The following KIDINS220 variants were observed in gnomAD, a reference collection of about 807,000 sequenced individuals.
KIDINS220 encodes kinase D interacting substrate 220.
A neutral mutation model predicts 157.6 loss-of-function variants in KIDINS220; 63 were observed. That is an observed-to-expected ratio of 0.40 (90% CI 0.33 to 0.49). The LOEUF (loss-of-function observed/expected upper bound fraction) is 0.49, where lower values mean the gene tolerates loss of function less well. KIDINS220 is among the 20% of genes least tolerant of loss of function. KIDINS220 has a pLI of 0.66. For missense variants in KIDINS220, 1,772 were observed against 2,171.2 expected (o/e 0.82, Z 3.65); for synonymous variants, 732 against 783.6 (o/e 0.93, Z 1.10).
chr2:8,802,590 A>G (rs1199223335), intron 8 of KIDINS220, among the ~76,000 whole-genome samples: 1 of 152,246 alleles, frequency 6.6e-6, no homozygotes, highest in Non-Finnish European at 1.5e-5. Context: ...TAAGAGGCCA[A>G]TTAGACATTC....
chr2:8,829,430 C>T (rs974621453), intron 1 of KIDINS220, among the ~76,000 whole-genome samples: 2 of 152,034 alleles, frequency 1.3e-5, no homozygotes, highest in African/African-American at 4.8e-5. Context: ...CCCATAGTTG[C>T]ACTTCTAGGA....
intron 22 of KIDINS220, among the ~76,000 whole-genome samples, chr2:8,762,725 C>T (rs1327427379): frequency 1.3e-5 from 2 of 151,646 alleles, no homozygotes; most frequent in African/African-American, 4.8e-5. Context: ...GGCGACAGAG[C>T]GAGACCCCAT....
intron 22 of KIDINS220, among the ~76,000 whole-genome samples, chr2:8,752,039 G>T (rs1174652007): frequency 6.6e-6 from 1 of 151,530 alleles, no homozygotes; most frequent in East Asian, 1.9e-4. Flanking sequence ...GGTTTTTTTT[G>T]AGACAGAATC....
At chr2:8,779,394 T>A (rs1476242473) in intron 18 of KIDINS220, among the ~76,000 whole-genome samples, 1 of 152,302 alleles carries the variant, frequency 6.6e-6, no homozygotes, top group South Asian at 2.1e-4. Context: ...GCTAAAGAGG[T>A]AAATCAATGC....
intron 22 of KIDINS220, among the ~76,000 whole-genome samples, chr2:8,762,581 C>G (rs1668898341): frequency 6.6e-6 from 1 of 151,246 alleles, no homozygotes; most frequent in African/African-American, 2.4e-5. Context: ...ATTAAAAATA[C>G]AAAAAAAATT....
rs146468527 is a variant in KIDINS220 at position 8,738,574 on chromosome 2, T to C, written c.3586-1575A>G. Among the ~76,000 whole-genome samples the C allele has an allele frequency of 1.4e-4, 21 of 152,318 alleles. No homozygotes were observed. In the East Asian group the frequency reaches 4.0e-3, roughly 29 times the overall value. Reference sequence around the variant, plus strand: ...CATCACTCCTGCAGTTTTCTAGCAATATACAGTCCCCTTGTAATCACGAGG... The same window carrying C: ...CATCACTCCTGCAGTTTTCTAGCAACATACAGTCCCCTTGTAATCACGAGG... On this transcript the variant is annotated intron_variant, in intron 26 of 29. Coordinates refer to ENST00000256707, the MANE Select transcript of KIDINS220 (RefSeq NM_020738.4).
chr2:8,783,902 A>T (rs1225720735), intron 17 of KIDINS220, among the ~76,000 whole-genome samples: 1 of 152,212 alleles, frequency 6.6e-6, no homozygotes, highest in Non-Finnish European at 1.5e-5. Flanking sequence ...TGAAAATCCC[A>T]GCAAGTTATT....
intron 21 of KIDINS220, among the ~76,000 whole-genome samples, chr2:8,771,538 A>C (rs1670234299): frequency 1.3e-5 from 2 of 152,160 alleles, no homozygotes; most frequent in Non-Finnish European, 2.9e-5. Context: ...TTTGGTAGAA[A>C]TTCTGAGCTG....
intron 5 of KIDINS220, among the ~76,000 whole-genome samples, 188 bp downstream of exon 5, chr2:8,813,046 GACA>G (rs1347090798): frequency 1.2e-4 from 18 of 152,088 alleles, no homozygotes; most frequent in Admixed American, 9.2e-4. Context: ...CCTTTTTGCT[GACA>G]ACAATTGAGA....
chr2:8,819,442 T>C (rs942575148), intron 2 of KIDINS220, among the ~76,000 whole-genome samples: 1 of 152,074 alleles, frequency 6.6e-6, no homozygotes, highest in Non-Finnish European at 1.5e-5. Flanking sequence ...CCTAGACAAG[T>C]CACCCCTAAC....
chr2:8,769,639 C>T (rs578136863), intron 22 of KIDINS220, among the ~76,000 whole-genome samples: 7 of 152,196 alleles, frequency 4.6e-5, no homozygotes, highest in African/African-American at 7.2e-5. Context: ...AAGTTTTAAC[C>T]GCTTAGCAAA....
In KIDINS220 at chr2:8,788,702, T is replaced by A. The variant is rs374312363; in HGVS notation, c.1732A>T (p.Met578Leu). Residue 578 changes from methionine to leucine, a missense_variant, in exon 15 of 30, where the codon ATG (methionine) becomes TTG (leucine). Met to Leu is a conservative substitution (Grantham distance 15). Transcript: ENST00000256707. ...IGYLELLLKL[M>L]FVNPPELPEQ... ...GGCAACTCAGGTGGATTCACAAACA[T>A]CAATTTAAGGAGGAGTTCCAAATAT... 3.1e-6 allele frequency: 5 copies of A among 1,614,098 alleles called. No homozygotes were observed. In the African/African-American group the frequency reaches 6.7e-5, roughly 22 times the overall value.
At chr2:8,745,546 C>T (rs1260366312) in intron 26 of KIDINS220, among the ~76,000 whole-genome samples, 1 of 152,180 alleles carries the variant, frequency 6.6e-6, no homozygotes, top group Non-Finnish European at 1.5e-5. Flanking sequence ...CACCTGTAAT[C>T]CCAGCACTTT....
intron 22 of KIDINS220, among the ~76,000 whole-genome samples, chr2:8,759,332 A>G (rs959726636): frequency 1.3e-5 from 2 of 152,110 alleles, no homozygotes; most frequent in South Asian, 2.1e-4. Flanking sequence ...AGAGCTAAAC[A>G]AAGTTATTAT....
At chr2:8,819,322 C>G (rs191424368) in intron 2 of KIDINS220, among the ~76,000 whole-genome samples, 156 of 152,244 alleles carry the variant, frequency 1.0e-3, no homozygotes, top group African/African-American at 3.4e-3. Context: ...AATAAAGCTC[C>G]TACTGCTGAA....
chr2:8,725,822 G>C (rs115396843), downstream of KIDINS220, among the ~76,000 whole-genome samples: 10 of 152,264 alleles, frequency 6.6e-5, no homozygotes, highest in Admixed American at 5.9e-4. Context: ...ATTTACTCAC[G>C]TTCTAAGAAT....
chr2:8,809,193 G>A (rs963875032), intron 6 of KIDINS220, among the ~76,000 whole-genome samples: 1 of 152,024 alleles, frequency 6.6e-6, no homozygotes, highest in African/African-American at 2.4e-5. Flanking sequence ...GCTAATTTTT[G>A]TATTTTTAGT....
chr2:8,758,049 G>A (rs1035014991), intron 22 of KIDINS220, among the ~76,000 whole-genome samples: 1 of 152,160 alleles, frequency 6.6e-6, no homozygotes, highest in Non-Finnish European at 1.5e-5. Flanking sequence ...TTTTAGTAGA[G>A]ACGAGGTTTC....
chr2:8,833,625 T>C (rs997874814), intron 1 of KIDINS220, among the ~76,000 whole-genome samples: 5 of 152,178 alleles, frequency 3.3e-5, no homozygotes, highest in African/African-American at 7.2e-5. Context: ...CTTAGCTTAA[T>C]AGCTGGCCCA....
Sources: gnomAD v4.1 joint callset for allele counts (sites outside exome capture counted in the v4.1 genomes callset) on GRCh38, gnomAD v4.1.1 for gene constraint, MANE v1.5 for transcripts, NCBI Gene and HGNC (gene_info 2026-07-23, HGNC 2026-07-21) for gene names.